The following LRP12 variants were observed in gnomAD, a reference collection of about 807,000 sequenced individuals.
LRP12 encodes the protein low-density lipoprotein receptor-related protein 12.
Under a neutral mutation model 66.0 loss-of-function variants are expected in LRP12, and 14 were observed. The observed-to-expected ratio is 0.21, with a 90% CI of 0.14 to 0.33. The LOEUF is 0.33. Ranked by LOEUF, LRP12 falls within the 10% of genes least tolerant of loss-of-function variation. The pLI is 1.00. For synonymous variants in LRP12, 357 were observed against 359.1 expected (o/e 0.99, Z 0.07); for missense variants, 889 against 1,053.4 (o/e 0.84, Z 2.16).
intron 2 of LRP12, among the ~76,000 whole-genome samples, chr8:104,530,195 T>C (rs1206553613): frequency 6.6e-6 from 1 of 152,196 alleles, no homozygotes; most frequent in Non-Finnish European, 1.5e-5. Flanking sequence ...ATTTCTAACA[T>C]AGTAAATATT....
intron 5 of LRP12, 122 bp from the exon 6 acceptor site, chr8:104,495,331 C>A (rs752913846): frequency 1.1e-4 from 111 of 990,808 alleles, no homozygotes; most frequent in Non-Finnish European, 1.6e-4. Flanking sequence ...AAAGCTTAGT[C>A]ATTTGACAAA....
At position 104,537,841 on chromosome 8, in the gene LRP12, A is replaced by G. The variant is rs144849355; in HGVS notation, c.80-5878T>C. Among the ~76,000 whole-genome samples the G allele has an allele frequency of 4.4e-3, 669 of 152,302 alleles. 8 individuals carry two copies. The highest frequency in any genetic ancestry group is 0.015 in the African/African-American group (643 of 41,570). On this transcript the variant is annotated intron_variant, in intron 1 of 6. Coordinates refer to ENST00000276654, the MANE Select transcript of LRP12 (RefSeq NM_013437.5). Reference sequence around the variant, plus strand: ...AAAAGTATTCATTCTGTACGATTCTATTCTGTTCTATAAAGTTCTAGAACA... The same window carrying G: ...AAAAGTATTCATTCTGTACGATTCTGTTCTGTTCTATAAAGTTCTAGAACA...
In LRP12 at chr8:104,588,852, C is replaced by A. The variant is rs1427963995; in HGVS notation, c.46G>T (p.Ala16Ser). ...STKESPRWRS[A>S]LLLLFLAGVY... Reference sequence around the variant, plus strand: ...CCAGCGAGGAAAAGCAAGAGCAACGCAGACCTCCACCGCGGAGACTCTTTT... The same window carrying A: ...CCAGCGAGGAAAAGCAAGAGCAACGAAGACCTCCACCGCGGAGACTCTTTT... Residue 16 changes from alanine (A) to serine (S), a missense_variant, in exon 1 of 7, where the codon GCG becomes TCG. Physicochemically the swap from Ala to Ser is moderately conservative, Grantham distance 99. This residue lies in a region of LRP12 where 88 missense variants were observed against 72.5 expected (regional missense o/e 1.21). Coordinates refer to ENST00000276654, the MANE Select transcript of LRP12 (RefSeq NM_013437.5). 1 of 1,612,502 alleles carries A rather than the reference C, an allele frequency of 6.2e-7. No individual in the cohort carries two copies. Among genetic ancestry groups the A allele is most frequent in the African/African-American group, 1.3e-5 (1 of 74,994 alleles).
At chr8:104,542,213 T>C (rs1350075558) in intron 1 of LRP12, among the ~76,000 whole-genome samples, 1 of 152,168 alleles carries the variant, frequency 6.6e-6, no homozygotes, top group African/African-American at 2.4e-5. Flanking sequence ...TGATATATCA[T>C]TATGGTTTTG....
intron 3 of LRP12, among the ~76,000 whole-genome samples, chr8:104,502,702 C>T (rs1219248285): frequency 6.6e-6 from 1 of 152,164 alleles, no homozygotes; most frequent in Non-Finnish European, 1.5e-5. Context: ...TCTCCAGAGC[C>T]TTCAAATATC....
Position 104,539,095 on chromosome 8 carries a change from G to A in LRP12, c.80-7132C>T, listed in dbSNP as rs144355302. ...TCCACAGATTGAAAAAGGCTTAAAGGAAGTACTGAATAATAACAAACTGTG... is the reference window on the plus strand; with the variant it reads ...TCCACAGATTGAAAAAGGCTTAAAGAAAGTACTGAATAATAACAAACTGTG... On this transcript the variant is annotated intron_variant, in intron 1 of 6. Transcript: ENST00000276654. Among the ~76,000 whole-genome samples the A allele has an allele frequency of 3.5e-3, 534 of 152,164 alleles. 1 individual carries two copies. The highest frequency in any genetic ancestry group is 0.012 in the African/African-American group (510 of 41,530).
chr8:104,557,525 T>C (rs1026139217), intron 1 of LRP12, among the ~76,000 whole-genome samples: 8 of 144,778 alleles, frequency 5.5e-5, no homozygotes, highest in African/African-American at 2.1e-4. Flanking sequence ...CAATTTGCAA[T>C]AGCTAAAAAA....
intron 2 of LRP12, among the ~76,000 whole-genome samples, chr8:104,525,203 T>C (rs1348273987): frequency 1.3e-5 from 2 of 152,138 alleles, no homozygotes; most frequent in South Asian, 2.1e-4. Flanking sequence ...CTCCTTTCTC[T>C]AGCTTATATA....
chr8:104,498,128 T>A (rs564282079), intron 4 of LRP12, 52 bp from the exon 5 acceptor site: 80 of 1,462,868 alleles, frequency 5.5e-5, no homozygotes, highest in African/African-American at 7.1e-5. Context: ...AAAATTATAA[T>A]CTTTAAAAGA....
intron 1 of LRP12, among the ~76,000 whole-genome samples, chr8:104,535,857 T>C (rs886804958): frequency 6.6e-6 from 1 of 152,076 alleles, no homozygotes; most frequent in Non-Finnish European, 1.5e-5. Flanking sequence ...CATGAATATA[T>C]TTCTTGCTTG....
intron 1 of LRP12, among the ~76,000 whole-genome samples, chr8:104,588,258 T>A (rs1429502558): frequency 6.6e-6 from 1 of 152,298 alleles, no homozygotes; most frequent in East Asian, 1.9e-4. Context: ...AACAGGACCC[T>A]GCACGCCCGG....
intron 1 of LRP12, among the ~76,000 whole-genome samples, chr8:104,561,668 T>C (rs952561380): frequency 2.0e-5 from 3 of 152,218 alleles, no homozygotes; most frequent in Non-Finnish European, 2.9e-5. Flanking sequence ...TACACATCTA[T>C]TGTTATAAAC....
intron 2 of LRP12, among the ~76,000 whole-genome samples, chr8:104,523,068 A>T (rs1443452318): frequency 1.3e-5 from 2 of 152,188 alleles, no homozygotes; most frequent in African/African-American, 2.4e-5. Context: ...TCAGAAATGT[A>T]TGCTAAGGAA....
At chr8:104,582,261 C>T (rs1479347521) in intron 1 of LRP12, among the ~76,000 whole-genome samples, 1 of 151,994 alleles carries the variant, frequency 6.6e-6, no homozygotes, top group South Asian at 2.1e-4. Flanking sequence ...CAAACTGATA[C>T]CAGCAAGTAA....
At chr8:104,547,610 A>G (rs1414302732) in intron 1 of LRP12, among the ~76,000 whole-genome samples, 1 of 124,234 alleles carries the variant, frequency 8.0e-6, no homozygotes, top group African/African-American at 3.2e-5. Context: ...AATTATTAAT[A>G]TATAATATAT....
chr8:104,515,824 C>CTA (rs1364452683), intron 2 of LRP12, among the ~76,000 whole-genome samples: 2 of 152,200 alleles, frequency 1.3e-5, no homozygotes, highest in Admixed American at 1.3e-4. Flanking sequence ...TGTAAGTGAT[C>CTA]TATGCCAACA....
rs766021496 is a variant in LRP12 at position 104,491,548 on chromosome 8, A to ATT, written c.1714-10_1714-9insAA. On this transcript the variant is annotated splice_polypyrimidine_tract_variant and intron_variant, in intron 6 of 6. Coordinates refer to ENST00000276654, the MANE Select transcript of LRP12 (RefSeq NM_013437.5). ...TTTTCCAAAACAGAAGCCTACAAAA[A>ATT]TAAGAAAAGATCTTAAGATAGTTAA... is the stretch of plus-strand genomic sequence containing the variant. 1.3e-6 allele frequency: 2 copies of ATT among 1,583,628 alleles called. No homozygotes were observed. The highest frequency in any genetic ancestry group is 1.7e-6 in the Non-Finnish European group (2 of 1,169,788).
At chr8:104,566,227 G>T in intron 1 of LRP12, 1 of 625,132 alleles carries the variant, frequency 1.6e-6, no homozygotes, top group South Asian at 2.3e-5. Flanking sequence ...AAAGTATACA[G>T]AACAGATTAC....
intron 2 of LRP12, among the ~76,000 whole-genome samples, chr8:104,518,063 A>G (rs1280600703): frequency 3.3e-5 from 5 of 152,132 alleles, no homozygotes; most frequent in African/African-American, 9.7e-5. Context: ...ATTTAGGAAA[A>G]TAATAGCAGT....
Sources: allele counts gnomAD v4.1 joint callset (sites outside exome capture counted in the v4.1 genomes callset), GRCh38; gene constraint gnomAD v4.1.1; regional missense constraint gnomAD v4.1.1; transcripts MANE v1.5; gene names NCBI Gene and HGNC (gene_info 2026-07-23, HGNC 2026-07-21).